ATP6V0A1: variants seen among roughly 807,000 people sequenced by gnomAD.
ATP6V0A1 encodes V-type proton ATPase 116 kDa subunit a 1.
ATP6V0A1 carries 43 observed loss-of-function variants against 105.4 expected under a neutral mutation model. The ratio of observed to expected loss-of-function variants is 0.41; its 90% CI spans 0.32 to 0.53. The LOEUF is 0.53. Ranked by LOEUF, ATP6V0A1 falls within the 20% of genes least tolerant of loss-of-function variation. ATP6V0A1 has a pLI of 0.30. For missense variants in ATP6V0A1, 676 were observed against 1,051.1 expected (o/e 0.64, Z 4.93); for synonymous variants, 362 against 372.8 (o/e 0.97, Z 0.33).
intron 14 of ATP6V0A1, 125 bp from the exon 15 acceptor site, chr17:42,498,799 C>T (rs776217488): frequency 1.4e-4 from 85 of 617,984 alleles, no homozygotes; most frequent in Non-Finnish European, 2.0e-4. Context: ...GCACTCCAGC[C>T]TGGGTGACAG....
chr17:42,486,886 C>T (rs1445098883), intron 9 of ATP6V0A1, among the ~76,000 whole-genome samples: 1 of 152,190 alleles, frequency 6.6e-6, no homozygotes, highest in African/African-American at 2.4e-5. Flanking sequence ...TTTGTTGTGC[C>T]TTGGATTGGT....
chr17:42,482,064 A>T (rs929893425), intron 8 of ATP6V0A1, among the ~76,000 whole-genome samples: 1 of 151,812 alleles, frequency 6.6e-6, no homozygotes, highest in Non-Finnish European at 1.5e-5. Flanking sequence ...CTGATCTCGA[A>T]CTCCTAATCT....
intron 11 of ATP6V0A1, among the ~76,000 whole-genome samples, chr17:42,491,459 C>A (rs1012170777): frequency 6.6e-6 from 1 of 150,908 alleles, no homozygotes; most frequent in Non-Finnish European, 1.5e-5. Flanking sequence ...TACAGGCACC[C>A]GCCACCATGC....
At chr17:42,487,020 C>T in intron 9 of ATP6V0A1, 135 bp from the exon 10 acceptor site, 1 of 790,946 alleles carries the variant, frequency 1.3e-6, no homozygotes, top group Non-Finnish European at 2.0e-6. Flanking sequence ...AAAAAAGAAA[C>T]CATTCTAGCC....
chr17:42,463,529 C>T (rs548289787), intron 2 of ATP6V0A1, among the ~76,000 whole-genome samples: 30 of 152,188 alleles, frequency 2.0e-4, no homozygotes, highest in African/African-American at 5.8e-4. Flanking sequence ...AATTGCCGAA[C>T]GGTAAGTAGT....
intron 17 of ATP6V0A1, among the ~76,000 whole-genome samples, chr17:42,502,213 CTCA>C (rs1237550730): frequency 2.0e-5 from 3 of 152,206 alleles, no homozygotes; most frequent in Non-Finnish European, 2.9e-5. Context: ...TCACGCTGCG[CTCA>C]GGAAAATGTA....
At chr17:42,506,936 T>C (rs538261645) in intron 17 of ATP6V0A1, among the ~76,000 whole-genome samples, 318 of 152,332 alleles carry the variant, frequency 2.1e-3, no homozygotes, top group African/African-American at 7.4e-3. Context: ...CTCAGCATTC[T>C]CTAGCCACAA....
At chr17:42,516,103 T>C (rs1450330743) in intron 21 of ATP6V0A1, among the ~76,000 whole-genome samples, 1 of 152,182 alleles carries the variant, frequency 6.6e-6, no homozygotes, top group Non-Finnish European at 1.5e-5. Flanking sequence ...GGCCCCTGGA[T>C]GGGATGCTCT....
intron 2 of ATP6V0A1, among the ~76,000 whole-genome samples, 157 bp from the exon 3 acceptor site, chr17:42,466,272 C>A (rs1567807399): frequency 6.6e-6 from 1 of 152,150 alleles, no homozygotes; most frequent in Non-Finnish European, 1.5e-5. Flanking sequence ...TGTGACTGGC[C>A]ATAAAGCAGT....
intron 5 of ATP6V0A1, among the ~76,000 whole-genome samples, chr17:42,475,523 GA>G (rs2088615445): frequency 6.6e-6 from 1 of 151,988 alleles, no homozygotes. Context: ...GATTTTTTTG[GA>G]ATTTTTTTTT....
At chr17:42,461,072 T>C (rs376222675) in intron 2 of ATP6V0A1, 61 bp downstream of exon 2, 50 of 1,340,732 alleles carry the variant, frequency 3.7e-5, no homozygotes, top group East Asian at 2.3e-4. Context: ...CGTGGTCAGA[T>C]GCCTTATGAT....
At chr17:42,501,688 C>G (rs887531141) in intron 17 of ATP6V0A1, among the ~76,000 whole-genome samples, 7 of 149,534 alleles carry the variant, frequency 4.7e-5, no homozygotes, top group African/African-American at 1.7e-4. Context: ...GCTGGGATTA[C>G]AAGCGTGAGC....
At chr17:42,468,827 T>G (rs1425957770) in intron 4 of ATP6V0A1, among the ~76,000 whole-genome samples, 2 of 149,788 alleles carry the variant, frequency 1.3e-5, no homozygotes, top group Non-Finnish European at 3.0e-5. Context: ...GAAACCTTAT[T>G]GGAGTAAGTT....
intron 2 of ATP6V0A1, among the ~76,000 whole-genome samples, chr17:42,465,312 A>G (rs2086908480): frequency 6.7e-6 from 1 of 150,148 alleles, no homozygotes; most frequent in South Asian, 2.1e-4. Flanking sequence ...TTTTTGAGAC[A>G]AGAGTCTCAC....
At chr17:42,514,262 C>T in intron 20 of ATP6V0A1, 27 bp from the exon 21 acceptor site, 1 of 1,555,130 alleles carries the variant, frequency 6.4e-7, no homozygotes. Context: ...CCAAACTGCA[C>T]TGGATTTTGT....
chr17:42,519,573 G>A (rs993714679), intron 21 of ATP6V0A1: 1 of 152,246 alleles, frequency 6.6e-6, no homozygotes, highest in Non-Finnish European at 1.5e-5. Context: ...TGGGTGAGAA[G>A]CAGGAACCCA....
chr17:42,461,921 TA>T (rs2086453538), intron 2 of ATP6V0A1, among the ~76,000 whole-genome samples: 1 of 151,546 alleles, frequency 6.6e-6, no homozygotes, highest in African/African-American at 2.4e-5. Flanking sequence ...AAAAAAGAGA[TA>T]GGGGCCAGGT....
intron 21 of ATP6V0A1, chr17:42,518,535 C>G (rs1184530947): frequency 6.6e-6 from 1 of 152,344 alleles, no homozygotes; most frequent in African/African-American, 2.4e-5. Context: ...GACTGCCTGC[C>G]CTCAGTCACA....
rs907538053 is a variant in ATP6V0A1 at position 42,488,668 on chromosome 17, G to T, written c.1023+1301G>T. Among the ~76,000 whole-genome samples, 6 of 147,952 alleles carry T rather than the reference G, an allele frequency of 4.1e-5. No homozygotes were observed. The East Asian group carries it at 1.3e-3, about 32-fold the overall frequency. ...TGTAGAGACAGGGTTTTGCCATGTT[G>T]CCCAGGCTGATCTCAAATTCCTGGG... is the stretch of plus-strand genomic sequence containing the variant. On this transcript the variant is annotated intron_variant, in intron 10 of 21. Transcript: ENST00000343619.
Sources: gnomAD v4.1 joint callset for allele counts (sites outside exome capture counted in the v4.1 genomes callset) on GRCh38, gnomAD v4.1.1 for gene constraint, MANE v1.5 for transcripts, NCBI Gene and HGNC (gene_info 2026-07-23, HGNC 2026-07-21) for gene names.